Variants in UBE2E2 observed in about 807,000 individuals in gnomAD.
UBE2E2 encodes ubiquitin-conjugating enzyme E2 E2.
In UBE2E2, 6 loss-of-function variants were observed where a neutral mutation model predicts 24.7. The ratio of observed to expected loss-of-function variants is 0.24; its 90% CI spans 0.13 to 0.48. The LOEUF (loss-of-function observed/expected upper bound fraction) is 0.48, where lower values mean the gene tolerates loss of function less well. Ranked by LOEUF, UBE2E2 falls within the 20% of genes least tolerant of loss-of-function variation. The probability of loss-of-function intolerance (pLI) is 0.99; values close to 1 mark genes in which losing one functional copy is unlikely to be tolerated. For missense variants in UBE2E2, 169 were observed against 245.0 expected, an observed-to-expected ratio of 0.69 and a Z score of 2.07; for synonymous variants, 104 against 83.6, an observed-to-expected ratio of 1.24 and a Z score of -1.33.
chr3:23,287,259 C>CA (rs1192215187), intron 3 of UBE2E2, among the ~76,000 whole-genome samples: 4 of 152,118 alleles, frequency 2.6e-5, no homozygotes, highest in Non-Finnish European at 5.9e-5. Context: ...CCTTGCATCC[C>CA]TGGGATAAAT....
intron 4 of UBE2E2, among the ~76,000 whole-genome samples, chr3:23,501,136 T>C (rs1699711657): frequency 6.6e-6 from 1 of 152,176 alleles, no homozygotes; most frequent in African/African-American, 2.4e-5. Flanking sequence ...GACCTTTCTT[T>C]CTCAGCCTCT....
At chr3:23,345,903 G>C (rs1440040380) in intron 3 of UBE2E2, among the ~76,000 whole-genome samples, 3 of 152,170 alleles carry the variant, frequency 2.0e-5, no homozygotes. Context: ...GTAGGAAAGT[G>C]ATAAACTGAC....
chr3:23,546,055 T>C lies in UBE2E2; in HGVS notation c.508+13354T>C, dbSNP rs77155434. On this transcript the variant is annotated intron_variant, in intron 5 of 5. Transcript: ENST00000396703. ...ATAAAAAACTATATATTGGGTAAAG[T>C]GTGCACTACTCACGTGTAGGTATAC... Among the ~76,000 whole-genome samples, 807 of 152,310 alleles carry C rather than the reference T, an allele frequency of 5.3e-3. 10 individuals are homozygous for C. The highest frequency in any genetic ancestry group is 0.018 in the African/African-American group (730 of 41,574).
intron 3 of UBE2E2, among the ~76,000 whole-genome samples, chr3:23,344,451 G>A (rs17013049): frequency 1.3e-5 from 2 of 152,004 alleles, no homozygotes; most frequent in African/African-American, 4.8e-5. Flanking sequence ...GCAAACTAAC[G>A]CCTTTGAATT....
intron 3 of UBE2E2, among the ~76,000 whole-genome samples, chr3:23,395,032 A>G (rs1051157245): frequency 6.6e-6 from 1 of 152,186 alleles, no homozygotes; most frequent in Non-Finnish European, 1.5e-5. Flanking sequence ...AGGAAGAGAA[A>G]GATCATTTTC....
chr3:23,398,654 T>G (rs1697139325), intron 3 of UBE2E2, among the ~76,000 whole-genome samples: 1 of 152,208 alleles, frequency 6.6e-6, no homozygotes, highest in African/African-American at 2.4e-5. Context: ...GATACTTTAC[T>G]TAGGTAGTTT....
chr3:23,549,021 C>T (rs1425140341), intron 5 of UBE2E2, among the ~76,000 whole-genome samples: 1 of 152,166 alleles, frequency 6.6e-6, no homozygotes. Flanking sequence ...TCTTGCCAGT[C>T]TCAGCCAGTA....
At chr3:23,553,010 C>G (rs1695679022) in intron 5 of UBE2E2, among the ~76,000 whole-genome samples, 1 of 152,008 alleles carries the variant, frequency 6.6e-6, no homozygotes, top group Non-Finnish European at 1.5e-5. Flanking sequence ...TAAACCCTTT[C>G]TTATTGATTT....
chr3:23,261,258 T>A (rs1028433375), intron 3 of UBE2E2, among the ~76,000 whole-genome samples: 5 of 152,076 alleles, frequency 3.3e-5, no homozygotes, highest in African/African-American at 1.2e-4. Flanking sequence ...TCAGGGTCAT[T>A]TGGAATGCAT....
At chr3:23,376,079 G>T (rs1183228981) in intron 3 of UBE2E2, among the ~76,000 whole-genome samples, 1 of 152,138 alleles carries the variant, frequency 6.6e-6, no homozygotes, top group African/African-American at 2.4e-5. Flanking sequence ...TAAAGGAGTT[G>T]TTTATACAAA....
intron 3 of UBE2E2, among the ~76,000 whole-genome samples, chr3:23,296,356 G>T (rs1698908187): frequency 6.6e-6 from 1 of 151,624 alleles, no homozygotes; most frequent in Non-Finnish European, 1.5e-5. Flanking sequence ...GGGTACATGT[G>T]CACGACGTGC....
chr3:23,406,293 A>T (rs1168079119), intron 3 of UBE2E2, among the ~76,000 whole-genome samples: 1 of 152,138 alleles, frequency 6.6e-6, no homozygotes, highest in Admixed American at 6.6e-5. Context: ...TCCACAAATA[A>T]TGCAGCATAC....
chr3:23,510,225 C>T (rs577176201), intron 4 of UBE2E2, among the ~76,000 whole-genome samples: 1 of 152,284 alleles, frequency 6.6e-6, no homozygotes, highest in East Asian at 1.9e-4. Flanking sequence ...GATAGGACCA[C>T]CTGTCCTTTC....
intron 5 of UBE2E2, among the ~76,000 whole-genome samples, chr3:23,541,214 T>C (rs1695389534): frequency 6.6e-6 from 1 of 152,196 alleles, no homozygotes; most frequent in South Asian, 2.1e-4. Context: ...AATGTCTGAG[T>C]CAGATCCCAT....
chr3:23,398,110 C>T lies in UBE2E2; in HGVS notation c.228-101498C>T, dbSNP rs1040807732. On this transcript the variant is annotated intron_variant, in intron 3 of 5. Coordinates refer to ENST00000396703, the MANE Select transcript of UBE2E2 (RefSeq NM_152653.4). Reference sequence around the variant, plus strand: ...GGTGGATCACCTGAGGTCAGGAGTTCGAGACCAGCCTGGCCAACATGGTGA... The same window carrying T: ...GGTGGATCACCTGAGGTCAGGAGTTTGAGACCAGCCTGGCCAACATGGTGA... 1.1e-4 allele frequency among the ~76,000 whole-genome samples: 17 copies of T among 152,054 alleles called. 2 individuals are homozygous for T. The highest frequency in any genetic ancestry group is 3.9e-4 in the East Asian group (2 of 5,174).
chr3:23,397,633 G>A (rs778504), intron 3 of UBE2E2, among the ~76,000 whole-genome samples: 150,657 of 152,362 alleles, frequency 0.99, 74,502 homozygotes, highest in Middle Eastern at 1. Flanking sequence ...ATCATATACC[G>A]TCTACATTTT....
Position 23,221,641 on chromosome 3 carries a change from CT to C in UBE2E2, c.227+4339del, listed in dbSNP as rs142942190. ...CATGTTGCTGCATGCGTTAGTACTT[CT>C]TTTTTTTTTCTGAGACGGAGTTTCG... is the stretch of plus-strand genomic sequence containing the variant. On this transcript the variant is annotated intron_variant, in intron 3 of 5. Coordinates refer to ENST00000396703, the MANE Select transcript of UBE2E2 (RefSeq NM_152653.4). 1.4e-3 allele frequency among the ~76,000 whole-genome samples: 210 copies of C among 149,630 alleles called. 1 individual carries two copies. The highest frequency in any genetic ancestry group is 0.01 in the Middle Eastern group (3 of 288).
At chr3:23,535,903 G>A (rs904972590) in intron 5 of UBE2E2, among the ~76,000 whole-genome samples, 9 of 152,136 alleles carry the variant, frequency 5.9e-5, no homozygotes, top group African/African-American at 2.2e-4. Context: ...TGACAGGCGT[G>A]AGCCACCCAA....
rs184274244 is a variant in UBE2E2, at chr3:23,499,803, A to G, written c.360+63A>G. On this transcript the variant is annotated intron_variant, in intron 4 of 5. Coordinates refer to ENST00000396703, the MANE Select transcript of UBE2E2 (RefSeq NM_152653.4). ...ATTATATTTCTAGATACATATACTT[A>G]TTCTTAAATATGCATTCTAGGGATG... The G allele has an allele frequency of 7.0e-4, 1,081 of 1,548,502 alleles. 9 individuals carry two copies. In the African/African-American group the frequency reaches 0.013, roughly 19 times the overall value.
Sources: gnomAD v4.1 joint callset for allele counts (sites outside exome capture counted in the v4.1 genomes callset) on GRCh38, gnomAD v4.1.1 for gene constraint, MANE v1.5 for transcripts, NCBI Gene and HGNC (gene_info 2026-07-23, HGNC 2026-07-21) for gene names.